The following CCDC7 variants were observed in gnomAD, a reference collection of about 807,000 sequenced individuals.
CCDC7 encodes the protein coiled-coil domain containing 7, also known as coiled-coil domain-containing protein 7.
In CCDC7, 183 loss-of-function variants were observed where a neutral mutation model predicts 196.9. The observed-to-expected ratio is 0.93, with a 90% CI of 0.82 to 1.05. CCDC7 has a LOEUF of 1.05. CCDC7 is among the 50% of genes least tolerant of loss of function. The pLI, the probability that CCDC7 is intolerant of heterozygous loss-of-function variation, is 0.00. For missense variants in CCDC7, 1,540 were observed against 1,482.2 expected, an observed-to-expected ratio of 1.04 and a Z score of -0.64; for synonymous variants, 525 against 484.6, an observed-to-expected ratio of 1.08 and a Z score of -1.10.
intron 8 of CCDC7, among the ~76,000 whole-genome samples, chr10:32,491,158 A>G (rs1455305964): frequency 1.3e-5 from 2 of 152,158 alleles, no homozygotes; most frequent in Admixed American, 1.3e-4. Flanking sequence ...CAGCTCCTAA[A>G]TATTTATTAT....
intron 24 of CCDC7, among the ~76,000 whole-genome samples, chr10:32,698,374 C>T (rs566797559): frequency 1.8e-4 from 28 of 152,222 alleles, no homozygotes; most frequent in African/African-American, 6.5e-4. Flanking sequence ...GAGAAGTAGA[C>T]TTCAGAAGAT....
chr10:32,631,030 G>A (rs930181037), intron 18 of CCDC7, among the ~76,000 whole-genome samples: 6 of 152,160 alleles, frequency 3.9e-5, no homozygotes, highest in African/African-American at 1.2e-4. Context: ...GCCATTCTGT[G>A]AGAAGCTCAA....
At chr10:32,545,289 C>G (rs1434305936) in intron 13 of CCDC7, among the ~76,000 whole-genome samples, 1 of 152,160 alleles carries the variant, frequency 6.6e-6, no homozygotes, top group Non-Finnish European at 1.5e-5. Context: ...ACTAGTGATA[C>G]TGATAATATC....
At chr10:32,494,397 TC>T (rs1222020148) in intron 9 of CCDC7, among the ~76,000 whole-genome samples, 1 of 151,668 alleles carries the variant, frequency 6.6e-6, no homozygotes, top group Non-Finnish European at 1.5e-5. Flanking sequence ...TTTTTTTTTT[TC>T]CTTTTTCTAA....
At chr10:32,604,939 A>T (rs189993038) in intron 18 of CCDC7, among the ~76,000 whole-genome samples, 1 of 151,912 alleles carries the variant, frequency 6.6e-6, no homozygotes, top group Non-Finnish European at 1.5e-5. Context: ...TGATCTGTTT[A>T]TGTGATATGG....
At chr10:32,685,743 T>C (rs2076394868) in intron 21 of CCDC7, among the ~76,000 whole-genome samples, 1 of 152,184 alleles carries the variant, frequency 6.6e-6, no homozygotes, top group Non-Finnish European at 1.5e-5. Context: ...ATAGACTAAC[T>C]ATATATGATT....
At chr10:32,494,519 A>G (rs2042617185) in intron 9 of CCDC7, among the ~76,000 whole-genome samples, 1 of 151,864 alleles carries the variant, frequency 6.6e-6, no homozygotes, top group Non-Finnish European at 1.5e-5. Flanking sequence ...TACATTAGGT[A>G]TTTCTCCTAA....
At chr10:32,662,579 T>A (rs1381143661) in intron 20 of CCDC7, among the ~76,000 whole-genome samples, 1 of 152,150 alleles carries the variant, frequency 6.6e-6, no homozygotes, top group Non-Finnish European at 1.5e-5. Flanking sequence ...ATCTCTTCCT[T>A]GAGACCTTAT....
intron 21 of CCDC7, among the ~76,000 whole-genome samples, chr10:32,678,238 A>G (rs868275644): frequency 1.3e-5 from 2 of 152,006 alleles, no homozygotes; most frequent in Non-Finnish European, 1.5e-5. Context: ...AGAATCTCTT[A>G]TTTGAGCTAT....
chr10:32,665,275 T>A (rs2072411553), intron 21 of CCDC7, among the ~76,000 whole-genome samples: 1 of 152,114 alleles, frequency 6.6e-6, no homozygotes, highest in South Asian at 2.1e-4. Context: ...TTATTCCTAC[T>A]GTTGATTGTT....
intron 41 of CCDC7, among the ~76,000 whole-genome samples, chr10:32,865,394 TCCTA>T (rs2094164719): frequency 9.3e-6 from 1 of 107,576 alleles, no homozygotes; most frequent in South Asian, 3.5e-4. Flanking sequence ...AGTGAGGTAC[TCCTA>T]TTATACACAC....
chr10:32,588,824 T>C (rs1471528764), intron 18 of CCDC7, among the ~76,000 whole-genome samples: 1 of 152,128 alleles, frequency 6.6e-6, no homozygotes, highest in Admixed American at 6.6e-5. Context: ...ATTTTCTTAC[T>C]AGTTATAGGT....
intron 2 of CCDC7, among the ~76,000 whole-genome samples, chr10:32,454,952 C>T (rs1267477748): frequency 6.6e-6 from 1 of 152,154 alleles, no homozygotes; most frequent in Non-Finnish European, 1.5e-5. Flanking sequence ...CTTACTTACC[C>T]AGCTTAAATA....
Position 32,834,814 on chromosome 10 carries a change from G to C in CCDC7, c.3269-1G>C, listed in dbSNP as rs772152662. The C allele has an allele frequency of 1.5e-6, 2 of 1,363,506 alleles. No homozygotes were observed. The highest frequency in any genetic ancestry group is 2.4e-5 in the South Asian group (2 of 83,492). 84.5% of individuals were successfully genotyped at this position (1,363,506 alleles called of 1,614,324 possible). On this transcript the variant is annotated splice_acceptor_variant, in intron 32 of 41. Coordinates refer to ENST00000639629, the Ensembl canonical transcript of CCDC7. LOFTEE classifies it high-confidence loss of function. ...TTTGAAAACCTGTTTTATTTTTATA[G>C]AGACTGTCTTAAAACACTTGAAAGG...
chr10:32,879,152 C>T (rs1269419104), downstream of CCDC7, among the ~76,000 whole-genome samples: 1 of 151,934 alleles, frequency 6.6e-6, no homozygotes, highest in Non-Finnish European at 1.5e-5. Context: ...CACCCATCAA[C>T]CTTATCTTCA....
chr10:32,870,670 G>C (rs2094395775), intron 41 of CCDC7, among the ~76,000 whole-genome samples: 1 of 152,110 alleles, frequency 6.6e-6, no homozygotes, highest in Admixed American at 6.6e-5. Flanking sequence ...TCCCTGTCTT[G>C]TGCCAGTTTT....
At chr10:32,618,346 T>A (rs2063004365) in intron 18 of CCDC7, among the ~76,000 whole-genome samples, 1 of 151,964 alleles carries the variant, frequency 6.6e-6, no homozygotes, top group South Asian at 2.1e-4. Flanking sequence ...CTATTGTGAT[T>A]CCATTTGATT....
chr10:32,796,613 T>A (rs1481892063), intron 29 of CCDC7, among the ~76,000 whole-genome samples: 1 of 152,230 alleles, frequency 6.6e-6, no homozygotes, highest in Non-Finnish European at 1.5e-5. Context: ...CAATGATACT[T>A]ATTTGCCATG....
chr10:32,845,509 A>G (rs1292213965), intron 34 of CCDC7, 34 bp from the exon 36 acceptor site: 19 of 1,525,976 alleles, frequency 1.2e-5, no homozygotes, highest in Non-Finnish European at 1.6e-5. Flanking sequence ...TGATAATCTT[A>G]CAAAATATAC....
Sources: gnomAD v4.1 joint callset for allele counts (sites outside exome capture counted in the v4.1 genomes callset) on GRCh38, gnomAD v4.1.1 for gene constraint, MANE v1.5 for transcripts, NCBI Gene and HGNC (gene_info 2026-07-23, HGNC 2026-07-21) for gene names.